Variants in VAV1 observed in about 807,000 individuals in gnomAD.
VAV1 encodes the protein vav guanine nucleotide exchange factor 1.
VAV1 carries 33 observed loss-of-function variants against 128.1 expected under a neutral mutation model. The ratio of observed to expected loss-of-function variants is 0.26; its 90% CI spans 0.20 to 0.34. The LOEUF is 0.34. Ranked by LOEUF, VAV1 falls within the 10% of genes least tolerant of loss-of-function variation. The pLI is 1.00. For missense variants in VAV1, 715 were observed against 1,093.7 expected, an observed-to-expected ratio of 0.65 and a Z score of 4.88; for synonymous variants, 394 against 409.8, an observed-to-expected ratio of 0.96 and a Z score of 0.47.
At chr19:6,817,334 G>T (rs772056486) in intron 1 of VAV1, among the ~76,000 whole-genome samples, 1 of 151,892 alleles carries the variant, frequency 6.6e-6, no homozygotes, top group Non-Finnish European at 1.5e-5. Context: ...AAAGTGCTGC[G>T]ATTACAGGGA....
At chr19:6,838,656 CTGTT>C (rs1374100484) in intron 21 of VAV1, among the ~76,000 whole-genome samples, 2 of 152,056 alleles carry the variant, frequency 1.3e-5, no homozygotes, top group African/African-American at 4.8e-5. Context: ...CATCACCTGT[CTGTT>C]TATCATCTAT....
Position 6,854,354 on chromosome 19 carries a change from T to C in VAV1, c.2484+256T>C, listed in dbSNP as rs112881138. Among the ~76,000 whole-genome samples, 331 of 152,234 alleles carry C rather than the reference T, an allele frequency of 2.2e-3. 2 individuals carry two copies. The highest frequency in any genetic ancestry group is 7.7e-3 in the African/African-American group (319 of 41,556). ...AAGCACGGTACAAGGATTGCCCTCA[T>C]GAAACTTATAATCGAATGTGGAGGA... On this transcript the variant is annotated intron_variant, in intron 26 of 26. Coordinates refer to ENST00000602142, the MANE Select transcript of VAV1 (RefSeq NM_005428.4).
Position 6,847,980 on chromosome 19 carries a change from C to T in VAV1, c.2013-18C>T. On this transcript the variant is annotated intron_variant, in intron 22 of 26. Transcript: ENST00000602142. The stretch of plus-strand genomic sequence containing the variant: ...GCACGGGGACCGTGCCACCTCTGTC[C>T]TTGGTGTCTCTTTGCAGGTACGCAG... 1.7e-5 allele frequency: 26 copies of T among 1,488,304 alleles called. No homozygotes were observed. Among genetic ancestry groups the T allele is most frequent in the Non-Finnish European group, 2.2e-5 (25 of 1,123,408 alleles). 92.2% of individuals were successfully genotyped at this position (1,488,304 alleles called of 1,614,324 possible).
At chr19:6,823,341 G>A (rs1473429656) in intron 6 of VAV1, among the ~76,000 whole-genome samples, 1 of 151,234 alleles carries the variant, frequency 6.6e-6, no homozygotes, top group Non-Finnish European at 1.5e-5. Context: ...GGCCAGGCTG[G>A]TCTCGAACTC....
rs1383385884 is a variant in VAV1, at chr19:6,832,603, T to TCC, written c.1508+404_1508+405dup. ...CTCCTCGCCCTCCTCTTCCTCTTCC[T>TCC]CCTATTCCTCCTCCACCTCTTCTTC... On this transcript the variant is annotated intron_variant, in intron 15 of 26. Coordinates refer to ENST00000602142, the MANE Select transcript of VAV1 (RefSeq NM_005428.4). Among the ~76,000 whole-genome samples, 143 of 108,430 alleles carry TCC rather than the reference T, an allele frequency of 1.3e-3. 1 individual carries two copies. The highest frequency in any genetic ancestry group is 4.4e-3 in the Middle Eastern group (1 of 226). 71.1% of individuals were successfully genotyped at this position (108,430 alleles called of 152,430 possible).
At chr19:6,841,136 A>T (rs1379679999) in intron 21 of VAV1, among the ~76,000 whole-genome samples, 1 of 151,940 alleles carries the variant, frequency 6.6e-6, no homozygotes, top group Non-Finnish European at 1.5e-5. Flanking sequence ...GCTGGTCTCG[A>T]ACTCCTGGGC....
Position 6,822,496 on chromosome 19 carries a change from G to C in VAV1, c.636G>C (p.Thr212=). The C allele has an allele frequency of 1.3e-6, 2 of 1,551,508 alleles. No homozygotes were observed. Among genetic ancestry groups the C allele is most frequent in the Non-Finnish European group, 8.7e-7 (1 of 1,149,550 alleles). Residue 212 remains threonine (T), a synonymous_variant, in exon 6 of 27, where the codon ACG becomes ACC. Coordinates refer to ENST00000602142, the MANE Select transcript of VAV1 (RefSeq NM_005428.4). The surrounding 1 kb of genome is among the most constrained non-coding windows in gnomAD (Gnocchi z 5.9). The stretch of plus-strand genomic sequence containing the variant: ...AGACGGAGGAGAAGTACACTGACAC[G>C]CTGGGCTCCATCCAGCAGGTGGGCG... ...IQQTEEKYTD[T]LGSIQQHFLK... is the part of the protein sequence containing the mutation.
chr19:6,837,300 G>A (rs1422875280), intron 21 of VAV1, among the ~76,000 whole-genome samples: 1 of 152,142 alleles, frequency 6.6e-6, no homozygotes, highest in African/African-American at 2.4e-5. Flanking sequence ...CATGGGTATG[G>A]TAGGGAGGAA....
intron 14 of VAV1, among the ~76,000 whole-genome samples, chr19:6,830,221 G>T (rs1331205008): frequency 6.6e-6 from 1 of 151,988 alleles, no homozygotes; most frequent in Non-Finnish European, 1.5e-5. Flanking sequence ...ACCACGCCCA[G>T]CTAATCTTTG....
rs71177123 is a variant in VAV1 at position 6,844,063 on chromosome 19, C to CTTTTTTTT, written c.2012+931_2012+938dup. Reference sequence around the variant, plus strand: ...ACTTTCTTCTTTTCTTCTTCTTCTTCTTTTTTTTTTTTTTTTTTTTTTTTT... The same window carrying CTTTTTTTT: ...ACTTTCTTCTTTTCTTCTTCTTCTTCTTTTTTTTTTTTTTTTTTTTTTTTTTTTTTTTT... On this transcript the variant is annotated intron_variant, in intron 22 of 26. Transcript: ENST00000602142. 2.6e-3 allele frequency among the ~76,000 whole-genome samples: 56 copies of CTTTTTTTT among 21,324 alleles called. 16 individuals are homozygous for CTTTTTTTT. Among genetic ancestry groups the CTTTTTTTT allele is most frequent in the East Asian group, 4.5e-3 (2 of 446 alleles). The allele number at this position is 21,324 out of a possible 152,430, so 14.0% of individuals were successfully genotyped here. A position where few individuals can be genotyped will look rare whatever the true frequency, so the allele number is the denominator to read the frequency against.
Position 6,831,890 on chromosome 19 carries a change from G to A in VAV1, c.1399-201G>A, listed in dbSNP as rs550727494. 5.1e-4 allele frequency among the ~76,000 whole-genome samples: 77 copies of A among 151,992 alleles called. 1 individual carries two copies. The Middle Eastern group carries it at 0.017, about 34-fold the overall frequency. The stretch of plus-strand genomic sequence containing the variant: ...TGTGTGTGTGTGTGTGCATGTGCAC[G>A]CCTGCGTATGTGGTTTTGGGTTTAT... On this transcript the variant is annotated intron_variant, in intron 14 of 26. Coordinates refer to ENST00000602142, the MANE Select transcript of VAV1 (RefSeq NM_005428.4).
rs747928469 is a variant in VAV1, at chr19:6,852,956, G to A, written c.2218-9G>A. The A allele has an allele frequency of 1.1e-5, 18 of 1,604,754 alleles. No homozygotes were observed. Among genetic ancestry groups the A allele is most frequent in the East Asian group, 2.3e-5 (1 of 44,394 alleles). On this transcript the variant is annotated splice_polypyrimidine_tract_variant and intron_variant, in intron 24 of 26. Coordinates refer to ENST00000602142, the MANE Select transcript of VAV1 (RefSeq NM_005428.4). ...TGGGATAGCATCTGCCATGTGGTCC[G>A]CCTTCTAGGAGCTGGTGGAGTTTTA...
At position 6,828,736 on chromosome 19, in the gene VAV1, G is replaced by A. The variant is rs757842915; in HGVS notation, c.1179+28G>A. On this transcript the variant is annotated intron_variant, in intron 12 of 26. Coordinates refer to ENST00000602142, the MANE Select transcript of VAV1 (RefSeq NM_005428.4). This position sits in a 1 kb window ranked among gnomAD's most constrained non-coding sequence, Gnocchi z 4.5. ...GAGGCGGTGGAGCCGGGTGGGCCAGGGGTGTGGCCACGTGGGGAGAGTGTG... is the reference window on the plus strand; with the variant it reads ...GAGGCGGTGGAGCCGGGTGGGCCAGAGGTGTGGCCACGTGGGGAGAGTGTG... 2 of 1,614,044 alleles carry A rather than the reference G, an allele frequency of 1.2e-6. No individual in the cohort carries two copies. The highest frequency in any genetic ancestry group is 1.1e-5 in the South Asian group (1 of 91,068).
At chr19:6,814,527 A>G (rs1971579245) in intron 1 of VAV1, among the ~76,000 whole-genome samples, 1 of 152,022 alleles carries the variant, frequency 6.6e-6, no homozygotes, top group African/African-American at 2.4e-5. Flanking sequence ...CCACACTGCC[A>G]AATAATTTTA....
At chr19:6,833,404 TCTG>T in intron 16 of VAV1, 119 bp downstream of exon 16, 1 of 1,374,550 alleles carries the variant, frequency 7.3e-7, no homozygotes, top group Non-Finnish European at 1.0e-6. Flanking sequence ...ACTTTGATCT[TCTG>T]CTTCTCCGTC....
chr19:6,789,260 C>CTTTTTTTTTTTTTTTTTTTTTTTT (rs771682522), intron 1 of VAV1, among the ~76,000 whole-genome samples: 9 of 144,930 alleles, frequency 6.2e-5, no homozygotes, highest in African/African-American at 2.3e-4. Context: ...CTCCTTTCTT[C>CTTTTTTTTTTTTTTTTTTTTTTTT]TTTTTTTTTT....
intron 18 of VAV1, 55 bp downstream of exon 18, chr19:6,833,788 G>T (rs374052579): frequency 5.9e-5 from 96 of 1,613,780 alleles, no homozygotes; most frequent in Non-Finnish European, 8.0e-5. Flanking sequence ...CAACAGCGCG[G>T]GGAGGACCCA....
intron 1 of VAV1, among the ~76,000 whole-genome samples, chr19:6,782,360 A>AAAAAT (rs910144491): frequency 4.6e-5 from 7 of 152,000 alleles, no homozygotes; most frequent in African/African-American, 1.7e-4. Context: ...AAATAAAAAT[A>AAAAAT]AAAATAAAAT....
chr19:6,800,063 T>C (rs1439455857), intron 1 of VAV1, among the ~76,000 whole-genome samples: 1 of 151,760 alleles, frequency 6.6e-6, no homozygotes, highest in Non-Finnish European at 1.5e-5. Context: ...TTTGGGGAAC[T>C]GAGGCGGGAG....
Sources: gnomAD v4.1 joint callset for allele counts (sites outside exome capture counted in the v4.1 genomes callset) on GRCh38, gnomAD v4.1.1 for gene constraint, Gnocchi (gnomAD v3.1) non-coding constraint, MANE v1.5 for transcripts, NCBI Gene and HGNC (gene_info 2026-07-23, HGNC 2026-07-21) for gene names.